The following KANK4 variants were observed in gnomAD, a reference collection of about 807,000 sequenced individuals.
The protein encoded by KANK4 is KN motif and ankyrin repeat domains 4.
A neutral mutation model predicts 80.8 loss-of-function variants in KANK4; 50 were observed. The observed-to-expected ratio is 0.62, with a 90% CI of 0.49 to 0.78. The LOEUF (loss-of-function observed/expected upper bound fraction) is 0.78, where lower values mean the gene tolerates loss of function less well. Among genes scored for constraint, KANK4 ranks in the 30% least tolerant of loss-of-function variants. The probability of loss-of-function intolerance (pLI) is 0.00; values close to 1 mark genes in which losing one functional copy is unlikely to be tolerated. For missense variants in KANK4, 1,196 were observed against 1,240.1 expected (o/e 0.96, Z 0.53); for synonymous variants, 465 against 506.9 (o/e 0.92, Z 1.11).
intron 9 of KANK4, among the ~76,000 whole-genome samples, chr1:62,242,816 GT>G (rs1211948548): frequency 1.3e-5 from 2 of 152,142 alleles, no homozygotes; most frequent in Non-Finnish European, 2.9e-5. Flanking sequence ...AAATGATATG[GT>G]GGGTATGATA....
intron 4 of KANK4, among the ~76,000 whole-genome samples, chr1:62,270,354 C>A (rs114399024): frequency 2.6e-3 from 396 of 151,880 alleles, no homozygotes; most frequent in Non-Finnish European, 3.5e-3. Context: ...CCTCCTGTGA[C>A]ACCCAGTTCA....
At chr1:62,269,625 T>G (rs1223420014) in intron 4 of KANK4, among the ~76,000 whole-genome samples, 1 of 152,232 alleles carries the variant, frequency 6.6e-6, no homozygotes, top group Non-Finnish European at 1.5e-5. Flanking sequence ...ACTTATTCAT[T>G]CAACAGGAAT....
intron 1 of KANK4, among the ~76,000 whole-genome samples, chr1:62,292,378 C>T (rs1418321292): frequency 6.6e-6 from 1 of 152,140 alleles, no homozygotes. Context: ...GAGAACTGCA[C>T]TCTAAGCCTC....
intron 1 of KANK4, among the ~76,000 whole-genome samples, chr1:62,297,320 T>C (rs1467547377): frequency 6.6e-6 from 1 of 152,104 alleles, no homozygotes; most frequent in Non-Finnish European, 1.5e-5. Context: ...GATACTGTTG[T>C]CCTATATTGT....
intron 2 of KANK4, among the ~76,000 whole-genome samples, chr1:62,275,761 C>G (rs951522068): frequency 3.4e-5 from 5 of 148,260 alleles, no homozygotes; most frequent in East Asian, 2.1e-4. Context: ...ACGAAATTCA[C>G]TTTCATAAAC....
intron 1 of KANK4, among the ~76,000 whole-genome samples, chr1:62,297,650 T>G (rs1224287648): frequency 6.6e-6 from 1 of 152,234 alleles, no homozygotes; most frequent in African/African-American, 2.4e-5. Flanking sequence ...CATCAGGCGA[T>G]TATTAAAATA....
intron 8 of KANK4, among the ~76,000 whole-genome samples, chr1:62,252,488 T>C (rs767551739): frequency 9.9e-5 from 15 of 152,238 alleles, no homozygotes; most frequent in Non-Finnish European, 2.1e-4. Context: ...CCTGCAGAAC[T>C]CTATAATAAG....
At chr1:62,261,055 G>A (rs1320201551) in intron 7 of KANK4, among the ~76,000 whole-genome samples, 1 of 151,732 alleles carries the variant, frequency 6.6e-6, no homozygotes, top group African/African-American at 2.4e-5. Context: ...CTCCACATTT[G>A]GTCCTTCTCC....
chr1:62,269,796 A>G (rs1263947225), intron 4 of KANK4, among the ~76,000 whole-genome samples: 1 of 152,242 alleles, frequency 6.6e-6, no homozygotes, highest in African/African-American at 2.4e-5. Context: ...TTTAAAAAAA[A>G]AGAGCCATGG....
chr1:62,249,781 G>A (rs1671567955), intron 8 of KANK4, among the ~76,000 whole-genome samples: 1 of 152,014 alleles, frequency 6.6e-6, no homozygotes, highest in African/African-American at 2.4e-5. Context: ...GACCTCAGGT[G>A]ATCTGCCTAC....
chr1:62,270,249 T>C (rs536763437), intron 4 of KANK4, among the ~76,000 whole-genome samples: 1 of 152,302 alleles, frequency 6.6e-6, no homozygotes, highest in East Asian at 1.9e-4. Flanking sequence ...TGACCTATAC[T>C]AGGCTTTGAG....
At position 62,274,161 on chromosome 1, in the gene KANK4, G is replaced by T. The variant is rs765743203; in HGVS notation, c.943C>A (p.Pro315Thr). The T allele has an allele frequency of 9.3e-6, 15 of 1,614,172 alleles. No homozygotes were observed. Among genetic ancestry groups the T allele is most frequent in the Non-Finnish European group, 1.3e-5 (15 of 1,180,036 alleles). Residue 315 changes from proline to threonine, a missense_variant, in exon 3 of 10, where the codon CCT becomes ACT. Around this residue, in one of 3 missense-constraint regions of KANK4, gnomAD observed 1,154 missense variants for 1,179.6 expected, o/e 0.98. Transcript: ENST00000371153. ...ATGCTTCTCATGTCCACCTCTACAG[G>T]TGGCGGGGGTGGAATCTCGCTGATG... ...LNISEIPPPP[P>T]VEVDMRSIGI...
chr1:62,243,151 T>C (rs1302058302), intron 9 of KANK4, among the ~76,000 whole-genome samples: 2 of 152,096 alleles, frequency 1.3e-5, no homozygotes, highest in African/African-American at 2.4e-5. Flanking sequence ...CATTTCCTGA[T>C]TGGCACTCCA....
intron 7 of KANK4, among the ~76,000 whole-genome samples, chr1:62,257,404 T>C (rs933127870): frequency 1.3e-5 from 2 of 152,258 alleles, no homozygotes; most frequent in East Asian, 1.9e-4. Context: ...CAGGACTTTA[T>C]AGAAGATACT....
intron 1 of KANK4, among the ~76,000 whole-genome samples, chr1:62,313,837 G>T (rs1207166779): frequency 6.6e-6 from 1 of 151,784 alleles, no homozygotes; most frequent in Non-Finnish European, 1.5e-5. Context: ...TGCACGTTCT[G>T]CACATGTATC....
At chr1:62,248,051 G>A (rs996724220) in intron 8 of KANK4, among the ~76,000 whole-genome samples, 3 of 152,078 alleles carry the variant, frequency 2.0e-5, no homozygotes, top group Admixed American at 6.5e-5. Context: ...GTCGAATGAC[G>A]GAACAGATGA....
intron 2 of KANK4, among the ~76,000 whole-genome samples, chr1:62,280,392 G>A (rs1672427226): frequency 6.6e-6 from 1 of 152,180 alleles, no homozygotes; most frequent in African/African-American, 2.4e-5. Flanking sequence ...GGAGCTTTGA[G>A]GGAATGAGTG....
rs2666506 is a variant in KANK4, at chr1:62,274,774, T to C, written c.330A>G (p.Pro110=). The change falls in exon 3 of 10, where the codon CCA becomes CCG. Residue 110 remains proline, a synonymous_variant. Coordinates refer to ENST00000371153, the MANE Select transcript of KANK4 (RefSeq NM_181712.5). The part of the protein sequence containing the change: ...SLGTQEQNQS[P]PLGNAPQAST... ...AGGCCTGGGGGGCATTACCAAGCGG[T>C]GGTGACTGGTTTTGCTCCTGTGTCC... 1,137,438 of 1,613,246 alleles carry C rather than the reference T, an allele frequency of 0.71. 404,172 individuals are homozygous for C. Among genetic ancestry groups the C allele is most frequent in the African/African-American group, 0.86 (64,366 of 74,842 alleles).
chr1:62,266,940 C>T (rs1170036711), intron 5 of KANK4, 121 bp from the exon 6 acceptor site: 1 of 626,612 alleles, frequency 1.6e-6, no homozygotes, highest in Non-Finnish European at 2.8e-6. Context: ...GGGCAACTGC[C>T]CTAGGAGAGG....
Sources: gnomAD v4.1 joint callset for allele counts (sites outside exome capture counted in the v4.1 genomes callset) on GRCh38, gnomAD v4.1.1 for gene constraint, gnomAD v4.1.1 regional missense constraint, MANE v1.5 for transcripts, NCBI Gene and HGNC (gene_info 2026-07-23, HGNC 2026-07-21) for gene names.